SAMD12: variants seen among roughly 807,000 people sequenced by gnomAD.
The protein encoded by SAMD12 is sterile alpha motif domain-containing protein 12.
SAMD12 carries 9 observed loss-of-function variants against 15.0 expected under a neutral mutation model. That is an observed-to-expected ratio of 0.60 (90% CI 0.36 to 1.05). The LOEUF is 1.05. Among genes scored for constraint, SAMD12 ranks in the 50% least tolerant of loss-of-function variants. The pLI is 0.01. For missense variants in SAMD12, 230 were observed against 234.2 expected (o/e 0.98, Z 0.12); for synonymous variants, 86 against 90.1 (o/e 0.96, Z 0.25).
intron 3 of SAMD12, among the ~76,000 whole-genome samples, chr8:118,393,598 C>T (rs182625383): frequency 0.017 from 2,502 of 150,674 alleles, 29 homozygotes; most frequent in Middle Eastern, 0.034. Context: ...GCATTTTTTT[C>T]TTTTCTTTTT....
exon 5 of SAMD12, chr8:118,197,654 G>C (rs1246060886): frequency 1.4e-6 from 2 of 1,459,262 alleles, no homozygotes; most frequent in Non-Finnish European, 1.9e-6. Flanking sequence ...TTTCTGTGAG[G>C]AACAGGCCAT....
intron 2 of SAMD12, among the ~76,000 whole-genome samples, chr8:118,557,926 A>G (rs556132311): frequency 3.9e-5 from 6 of 152,274 alleles, no homozygotes; most frequent in Non-Finnish European, 5.9e-5. Flanking sequence ...ATAGGTTGAG[A>G]CCAACCTATT....
chr8:118,470,565 T>A (rs1390959999), intron 2 of SAMD12, among the ~76,000 whole-genome samples: 1 of 152,184 alleles, frequency 6.6e-6, no homozygotes, highest in Non-Finnish European at 1.5e-5. Flanking sequence ...ATAGAAATAA[T>A]GTCTATCTTC....
chr8:118,197,270 G>A (rs1433884584), exon 5 of SAMD12: 3 of 200,182 alleles, frequency 1.5e-5, no homozygotes, highest in East Asian at 1.3e-4. Context: ...GCATAATATT[G>A]TGAACACTTC....
chr8:118,312,670 C>G (rs1815689831), intron 4 of SAMD12, among the ~76,000 whole-genome samples: 1 of 152,174 alleles, frequency 6.6e-6, no homozygotes, highest in Non-Finnish European at 1.5e-5. Context: ...CCATGCAGGA[C>G]AGGCTCTCTG....
chr8:118,220,262 C>T (rs1163115688), intron 4 of SAMD12, among the ~76,000 whole-genome samples: 1 of 152,180 alleles, frequency 6.6e-6, no homozygotes, highest in Non-Finnish European at 1.5e-5. Flanking sequence ...GAATAGTGTT[C>T]TCTACAGCAA....
chr8:118,454,248 C>A (rs1823173143), intron 2 of SAMD12, among the ~76,000 whole-genome samples: 1 of 152,210 alleles, frequency 6.6e-6, no homozygotes, highest in African/African-American at 2.4e-5. Flanking sequence ...AAAAAACAAT[C>A]CCTCACAATT....
rs182287829 is a variant in SAMD12, at chr8:118,490,001, T to C, written c.193-50040A>G. ...TAATATGAGGGAGGAATGTTCCTCT[T>C]TACATACCACTTCTCTGCACAGCCC... On this transcript the variant is annotated intron_variant, in intron 2 of 3. Coordinates refer to ENST00000314727, the MANE Select transcript of SAMD12 (RefSeq NM_207506.3). Among the ~76,000 whole-genome samples, 226 of 152,252 alleles carry C rather than the reference T, an allele frequency of 1.5e-3. 1 individual carries two copies. The highest frequency in any genetic ancestry group is 5.2e-3 in the African/African-American group (217 of 41,544).
At chr8:118,596,849 A>G (rs1048505890) in intron 1 of SAMD12, among the ~76,000 whole-genome samples, 1 of 152,188 alleles carries the variant, frequency 6.6e-6, no homozygotes, top group Non-Finnish European at 1.5e-5. Flanking sequence ...ATATCACACA[A>G]ATAGCAGGGT....
At chr8:118,432,801 G>T (rs527883220) in intron 3 of SAMD12, among the ~76,000 whole-genome samples, 3 of 152,180 alleles carry the variant, frequency 2.0e-5, no homozygotes, top group Admixed American at 1.3e-4. Context: ...TGGGCCTTCA[G>T]CTTAGAGGAG....
chr8:118,267,356 C>T (rs1188841013), intron 4 of SAMD12, among the ~76,000 whole-genome samples: 1 of 152,000 alleles, frequency 6.6e-6, no homozygotes, highest in Non-Finnish European at 1.5e-5. Flanking sequence ...CCTGAAAGAT[C>T]AAAAATTATC....
chr8:118,550,477 C>T (rs1334591606), intron 2 of SAMD12, among the ~76,000 whole-genome samples: 9 of 152,088 alleles, frequency 5.9e-5, no homozygotes, highest in African/African-American at 2.2e-4. Flanking sequence ...CAAGCAAATG[C>T]TGAGAGATTT....
At chr8:118,443,022 G>A (rs1822805290) in intron 2 of SAMD12, among the ~76,000 whole-genome samples, 1 of 152,132 alleles carries the variant, frequency 6.6e-6, no homozygotes, top group African/African-American at 2.4e-5. Context: ...CACCATGTAT[G>A]CTTTTGTTCT....
chr8:118,242,238 G>C (rs1242171387), intron 4 of SAMD12, among the ~76,000 whole-genome samples: 1 of 152,130 alleles, frequency 6.6e-6, no homozygotes, highest in Non-Finnish European at 1.5e-5. Context: ...GGATAAAAGA[G>C]AAATTAAGAA....
At chr8:118,450,479 G>A (rs1369861969) in intron 2 of SAMD12, among the ~76,000 whole-genome samples, 1 of 152,164 alleles carries the variant, frequency 6.6e-6, no homozygotes, top group Non-Finnish European at 1.5e-5. Context: ...TGACACAAAG[G>A]CAGATGTATG....
intron 2 of SAMD12, among the ~76,000 whole-genome samples, chr8:118,447,967 A>T (rs537667688): frequency 4.0e-5 from 6 of 151,846 alleles, no homozygotes; most frequent in African/African-American, 1.5e-4. Context: ...TGACCTCGTG[A>T]TCTGCCCACC....
chr8:118,136,522 T>C, the SAMD12 span, among the ~76,000 whole-genome samples: 2 of 152,234 alleles, frequency 1.3e-5, no homozygotes, highest in Admixed American at 6.5e-5. Flanking sequence ...GTGTTCACCA[T>C]CCAATAGGCT....
intron 2 of SAMD12, among the ~76,000 whole-genome samples, chr8:118,571,194 A>G (rs1377507074): frequency 6.6e-6 from 1 of 152,238 alleles, no homozygotes; most frequent in Non-Finnish European, 1.5e-5. Flanking sequence ...CCAGAAATGT[A>G]GAAGTGACTT....
At chr8:118,180,898 C>A in the SAMD12 span, among the ~76,000 whole-genome samples, 2 of 152,178 alleles carry the variant, frequency 1.3e-5, no homozygotes, top group Non-Finnish European at 2.9e-5. Flanking sequence ...GGCCTGGAAT[C>A]CAGGTTTTCC....
Sources: gnomAD v4.1 joint callset for allele counts (sites outside exome capture counted in the v4.1 genomes callset) on GRCh38, gnomAD v4.1.1 for gene constraint, MANE v1.5 for transcripts, NCBI Gene and HGNC (gene_info 2026-07-23, HGNC 2026-07-21) for gene names.